Variants in MKKS observed in about 807,000 individuals in gnomAD.
The protein encoded by MKKS is molecular chaperone MKKS.
In MKKS, 29 loss-of-function variants were observed where a neutral mutation model predicts 33.2. The ratio of observed to expected loss-of-function variants is 0.87; its 90% CI spans 0.65 to 1.19. The LOEUF is 1.19. Among genes scored for constraint, MKKS ranks in the 50% most tolerant of loss-of-function variants. The pLI, the probability that MKKS is intolerant of heterozygous loss-of-function variation, is 0.00. For missense variants in MKKS, 661 were observed against 662.3 expected, an observed-to-expected ratio of 1.00 and a Z score of 0.02; for synonymous variants, 260 against 244.0, an observed-to-expected ratio of 1.07 and a Z score of -0.61.
intron 1 of MKKS, among the ~76,000 whole-genome samples, chr20:10,427,028 T>TGACACACACACAGACACACACACA (rs1491117558): frequency 1.8e-4 from 11 of 61,476 alleles, no homozygotes; most frequent in Admixed American, 9.5e-4. Context: ...AAGAAAACAC[T>TGACACACACACAGACACACACACA]GACACACACA....
At chr20:10,427,035 C>CACACAGACACACACAG (rs1182947383) in intron 1 of MKKS, among the ~76,000 whole-genome samples, 1 of 56,424 alleles carries the variant, frequency 1.8e-5, no homozygotes, top group Non-Finnish European at 6.6e-5. Context: ...CACTGACACA[C>CACACAGACACACACAG]ACACACACAC....
At chr20:10,427,162 T>C (rs112447390) in intron 1 of MKKS, among the ~76,000 whole-genome samples, 34 of 152,114 alleles carry the variant, frequency 2.2e-4, no homozygotes, top group African/African-American at 7.5e-4. Flanking sequence ...TTATTCTATC[T>C]AGCATAGTAT....
At chr20:10,424,895 T>C (rs1034431306) in intron 1 of MKKS, among the ~76,000 whole-genome samples, 23 of 151,736 alleles carry the variant, frequency 1.5e-4, no homozygotes, top group Admixed American at 4.6e-4. Context: ...CTACTAAAAA[T>C]ACAAAAAATT....
rs1317983522 is a variant in MKKS, at chr20:10,404,766, G to C, written c.*481C>G. The C allele has an allele frequency of 6.6e-6, 1 of 152,620 alleles. No individual in the cohort carries two copies. The highest frequency in any genetic ancestry group is 1.5e-5 in the Non-Finnish European group (1 of 68,410). The allele number at this position is 152,620 out of a possible 1,614,324, so 9.5% of individuals were successfully genotyped here. A position where few individuals can be genotyped will look rare whatever the true frequency, so the allele number is the denominator to read the frequency against. ...CTTGAGATAAAGGGCATGGAGAAAAGTGAAATTTTACTAAATGTGCAGTTT... is the reference window on the plus strand; with the variant it reads ...CTTGAGATAAAGGGCATGGAGAAAACTGAAATTTTACTAAATGTGCAGTTT... On this transcript the variant is annotated 3_prime_UTR_variant, in exon 6 of 6. Coordinates refer to ENST00000347364, the MANE Select transcript of MKKS (RefSeq NM_170784.3).
chr20:10,422,079 G>A (rs1465490594), intron 1 of MKKS, among the ~76,000 whole-genome samples: 1 of 152,058 alleles, frequency 6.6e-6, no homozygotes, highest in Non-Finnish European at 1.5e-5. Flanking sequence ...ATAGTACTGA[G>A]TTAAATAGTC....
At chr20:10,429,802 C>G (rs1236100624) in intron 1 of MKKS, among the ~76,000 whole-genome samples, 1 of 152,188 alleles carries the variant, frequency 6.6e-6, no homozygotes, top group African/African-American at 2.4e-5. Flanking sequence ...AGTTCTCAAA[C>G]TGTGGTCCTC....
At chr20:10,428,153 C>G (rs1468273216) in intron 1 of MKKS, among the ~76,000 whole-genome samples, 1 of 152,218 alleles carries the variant, frequency 6.6e-6, no homozygotes. Flanking sequence ...TGAAAACTAG[C>G]TTACCAGCAA....
intron 5 of MKKS, 116 bp downstream of exon 5, chr20:10,407,500 A>C: frequency 1.1e-6 from 1 of 875,966 alleles, no homozygotes; most frequent in Non-Finnish European, 1.8e-6. Flanking sequence ...TGCACCCCTG[A>C]ACCTAAAAGT....
intron 2 of MKKS, among the ~76,000 whole-genome samples, chr20:10,415,098 C>T (rs1448079609): frequency 1.3e-5 from 2 of 151,960 alleles, no homozygotes; most frequent in African/African-American, 4.8e-5. Context: ...AGTGTCCTTG[C>T]TAAAAAAAAG....
intron 2 of MKKS, among the ~76,000 whole-genome samples, chr20:10,417,386 G>C (rs1412158408): frequency 1.3e-5 from 2 of 152,218 alleles, no homozygotes; most frequent in African/African-American, 4.8e-5. Flanking sequence ...CAAGGCAGGA[G>C]GATTGCTTGA....
At chr20:10,432,789 CAAAAAAAAAAAAAAA>C (rs71184200) in intron 1 of MKKS, among the ~76,000 whole-genome samples, 2 of 74,560 alleles carry the variant, frequency 2.7e-5, no homozygotes, top group Admixed American at 1.9e-4. Context: ...GACTCTTTGT[CAAAAAAAAAAAAAAA>C]AAAAAAAAAA....
At chr20:10,426,588 G>A (rs1211513211) in intron 1 of MKKS, among the ~76,000 whole-genome samples, 15 of 152,160 alleles carry the variant, frequency 9.9e-5, no homozygotes, top group Admixed American at 7.2e-4. Flanking sequence ...TAGTAGAGAC[G>A]GGGTTTCACC....
chr20:10,413,446 C>T lies in MKKS; in HGVS notation c.69G>A (p.Arg23=). The T allele has an allele frequency of 3.7e-6, 6 of 1,613,996 alleles. No individual in the cohort carries two copies. In the South Asian group the frequency reaches 4.4e-5, roughly 12 times the overall value. ...KSEPLTTERV[R]TTLSVLKRIV... ...TTCTTTTCAAGACAGAAAGTGTGGT[C>T]CTGACTCTCTCAGTTGTCAGTGGTT... The change falls in exon 3 of 6, where the codon AGG becomes AGA. Residue 23 remains arginine (R), a synonymous_variant. Coordinates refer to ENST00000347364, the MANE Select transcript of MKKS (RefSeq NM_170784.3).
intron 1 of MKKS, among the ~76,000 whole-genome samples, chr20:10,423,329 G>C (rs1045543318): frequency 2.6e-5 from 4 of 152,088 alleles, no homozygotes; most frequent in African/African-American, 9.7e-5. Flanking sequence ...GCTGAGGTAG[G>C]AGGATCGCTT....
At chr20:10,425,270 T>C (rs568011796) in intron 1 of MKKS, among the ~76,000 whole-genome samples, 2 of 152,334 alleles carry the variant, frequency 1.3e-5, no homozygotes, top group South Asian at 4.1e-4. Context: ...TTAAGAGCTA[T>C]ACAGCATTTG....
At chr20:10,426,322 G>C (rs1313113754) in intron 1 of MKKS, among the ~76,000 whole-genome samples, 1 of 152,184 alleles carries the variant, frequency 6.6e-6, no homozygotes, top group Non-Finnish European at 1.5e-5. Context: ...GTGTGATCAC[G>C]GATGAGGGGA....
rs1042581804 is a variant in MKKS, at chr20:10,406,726, C to G, written c.1272+890G>C. On this transcript the variant is annotated intron_variant, in intron 5 of 5. Coordinates refer to ENST00000347364, the MANE Select transcript of MKKS (RefSeq NM_170784.3). ...GACTACTTTCCTACTCAAGACACCT[C>G]CTTCCTCTAAAAAACTTTCTCTAGT... is the stretch of plus-strand genomic sequence containing the variant. 4.0e-5 allele frequency among the ~76,000 whole-genome samples: 6 copies of G among 151,446 alleles called. No individual in the cohort carries two copies. The Admixed American group carries it at 4.0e-4, about 10-fold the overall frequency.
rs1289979809 is a variant in MKKS at position 10,433,695 on chromosome 20, C to T, written c.-649+413G>A. 1.6e-4 allele frequency among the ~76,000 whole-genome samples: 25 copies of T among 152,108 alleles called. 1 individual carries two copies. The highest frequency in any genetic ancestry group is 1.6e-3 in the Admixed American group (25 of 15,278). ...CGTCTCTAACGCCGTCGGAGGGCGG[C>T]CCCCACCTCCCGACAGCCTGGGGTA... On this transcript the variant is annotated intron_variant, in intron 1 of 5. Transcript: ENST00000347364.
rs1489734731 is a variant in MKKS at position 10,413,403 on chromosome 20, C to G, written c.112G>C (p.Gly38Arg). The change falls in exon 3 of 6, where the codon GGC (glycine) becomes CGC (arginine). Residue 38 changes from glycine (G) to arginine (R), a missense_variant. Coordinates refer to ENST00000347364, the MANE Select transcript of MKKS (RefSeq NM_170784.3). ...VLKRIVTSCY[G>R]PSGRLKQLHN... is the part of the protein sequence containing the mutation. ...AGCTGCTTCAGCCTACCTGAGGGGC[C>G]ATAGCATGATGTTACAATTCTTTTC... 1 of 1,613,076 alleles carries G rather than the reference C, an allele frequency of 6.2e-7. No individual in the cohort carries two copies. The highest frequency in any genetic ancestry group is 8.5e-7 in the Non-Finnish European group (1 of 1,179,068).
Sources: gnomAD v4.1 joint callset for allele counts (sites outside exome capture counted in the v4.1 genomes callset) on GRCh38, gnomAD v4.1.1 for gene constraint, MANE v1.5 for transcripts, NCBI Gene and HGNC (gene_info 2026-07-23, HGNC 2026-07-21) for gene names.